The following IQANK1 variants were observed in gnomAD, a reference collection of about 807,000 sequenced individuals.
The protein encoded by IQANK1 is IQ motif and ankyrin repeat domain-containing protein 1.
IQANK1 carries 30 observed loss-of-function variants against 22.6 expected under a neutral mutation model. The observed-to-expected ratio is 1.33, with a 90% CI of 0.99 to 1.80. IQANK1 has a LOEUF of 1.80. IQANK1 is among the 40% of genes most tolerant of loss of function. The pLI is 0.00. For missense variants in IQANK1, 275 were observed against 235.2 expected (o/e 1.17, Z -1.11); for synonymous variants, 122 against 99.6 (o/e 1.23, Z -1.34).
chr8:143,749,397 A>G lies in IQANK1; in HGVS notation c.175+9449A>G, dbSNP rs1286879415. The stretch of plus-strand genomic sequence containing the variant: ...TATATAAATATGTGAATATATAATT[A>G]TATATCATATCATATATAATATATA... On this transcript the variant is annotated intron_variant, in intron 3 of 13. Transcript: ENST00000527139. Among the ~76,000 whole-genome samples, 280 of 131,490 alleles carry G rather than the reference A, an allele frequency of 2.1e-3. 1 individual carries two copies. Among genetic ancestry groups the G allele is most frequent in the Non-Finnish European group, 3.8e-3 (248 of 65,442 alleles). The allele number at this position is 131,490 out of a possible 152,430, so 86.3% of individuals were successfully genotyped here. A position where few individuals can be genotyped will look rare whatever the true frequency, so the allele number is the denominator to read the frequency against.
intron 12 of IQANK1, 29 bp downstream of exon 12, chr8:143,790,093 T>C (rs1441963291): frequency 8.1e-7 from 1 of 1,232,016 alleles, no homozygotes; most frequent in Non-Finnish European, 1.0e-6. Context: ...ACGTGGGCGA[T>C]TTGGGGTTTG....
intron 7 of IQANK1, among the ~76,000 whole-genome samples, chr8:143,783,088 G>A (rs1326208882): frequency 1.3e-5 from 2 of 152,116 alleles, no homozygotes; most frequent in East Asian, 1.9e-4. Context: ...GCTGATGAAC[G>A]TTCAGTTTGT....
At chr8:143,751,654 G>GTATATATATA (rs1394995181) in intron 3 of IQANK1, among the ~76,000 whole-genome samples, 2 of 37,032 alleles carry the variant, frequency 5.4e-5, no homozygotes, top group Non-Finnish European at 1.9e-4. Context: ...GTGTGTGTGT[G>GTATATATATA]TGTGTGTGTG....
intron 3 of IQANK1, among the ~76,000 whole-genome samples, chr8:143,761,171 G>A (rs1359878529): frequency 1.3e-5 from 2 of 152,312 alleles, no homozygotes; most frequent in South Asian, 4.1e-4. Context: ...CCGCGCGCCC[G>A]AGAAGGGACC....
chr8:143,736,068 T>C (rs1404235259), intron 2 of IQANK1, 130 bp downstream of exon 2: 1 of 633,734 alleles, frequency 1.6e-6, no homozygotes, highest in African/African-American at 1.8e-5. Context: ...AGGGGACCTC[T>C]GAGTTGGGAT....
intron 7 of IQANK1, among the ~76,000 whole-genome samples, chr8:143,775,826 T>C (rs1488095885): frequency 2.9e-5 from 3 of 102,690 alleles, no homozygotes; most frequent in African/African-American, 1.7e-4. Context: ...ACACACACCA[T>C]TCCTAAACTA....
intron 7 of IQANK1, among the ~76,000 whole-genome samples, chr8:143,786,812 T>G (rs62526410): frequency 0.065 from 9,957 of 152,062 alleles, 780 homozygotes; most frequent in African/African-American, 0.19. Context: ...GGGGAGGGAA[T>G]GAGGGCTGTG....
At chr8:143,784,634 A>G (rs1239975517) in intron 7 of IQANK1, among the ~76,000 whole-genome samples, 1 of 152,204 alleles carries the variant, frequency 6.6e-6, no homozygotes, top group Admixed American at 6.5e-5. Context: ...GAGGGTTAAC[A>G]GGGGGCTTCT....
chr8:143,752,355 C>A (rs960955329), intron 3 of IQANK1, among the ~76,000 whole-genome samples: 1 of 152,132 alleles, frequency 6.6e-6, no homozygotes, highest in East Asian at 1.9e-4. Flanking sequence ...ATTGAGGATC[C>A]CTTGTATGTG....
chr8:143,742,298 G>GC (rs1330545450), intron 3 of IQANK1: 9 of 441,438 alleles, frequency 2.0e-5, no homozygotes, highest in Non-Finnish European at 3.7e-5. Context: ...GTGATGAGGT[G>GC]CCCCCCGGGG....
rs372909094 is a variant in IQANK1 at position 143,773,856 on chromosome 8, G to C, written c.789+1374G>C. Among the ~76,000 whole-genome samples, 20 of 152,348 alleles carry C rather than the reference G, an allele frequency of 1.3e-4. No homozygotes were observed. In the East Asian group the frequency reaches 2.5e-3, roughly 19 times the overall value. On this transcript the variant is annotated intron_variant, in intron 7 of 13. Coordinates refer to ENST00000527139, the MANE Select transcript of IQANK1 (RefSeq NM_001381874.1). ...CGTCCAGAGGTGCAAGTGGGAGTCA[G>C]GGGTGCTGGGGTGTCCAGCAGACCT... is the stretch of plus-strand genomic sequence containing the variant.
rs1306405920 is a variant in IQANK1, at chr8:143,736,305, G to GATTTTTGT, written c.85+376_85+383dup. 2.0e-5 allele frequency among the ~76,000 whole-genome samples: 3 copies of GATTTTTGT among 152,028 alleles called. No homozygotes were observed. The East Asian group carries it at 5.8e-4, about 29-fold the overall frequency. On this transcript the variant is annotated intron_variant, in intron 2 of 13. Coordinates refer to ENST00000527139, the MANE Select transcript of IQANK1 (RefSeq NM_001381874.1). The stretch of plus-strand genomic sequence containing the variant: ...TGGACGTGCGCCACCACGCCCTGCT[G>GATTTTTGT]ATTTTTGTATTTTTGTTTTAGTAGA...
rs1819897053 is a variant in IQANK1, at chr8:143,786,764, G to T, written c.790-2151G>T. On this transcript the variant is annotated intron_variant, in intron 7 of 13. Transcript: ENST00000527139. ...ATTTTAAGAAAGGTGGCCAAGGTGG[G>T]GTTTGCTGAGAAGGTGGCATACAAG... Among the ~76,000 whole-genome samples the T allele has an allele frequency of 2.0e-5, 3 of 152,194 alleles. No homozygotes were observed. In the South Asian group the frequency reaches 6.2e-4, roughly 32 times the overall value.
chr8:143,781,875 G>A (rs2129939719), intron 7 of IQANK1, among the ~76,000 whole-genome samples: 1 of 152,282 alleles, frequency 6.6e-6, no homozygotes, highest in Non-Finnish European at 1.5e-5. Context: ...TAGTTTGATA[G>A]GAATAGCGTC....
chr8:143,786,570 C>T (rs1430675138), intron 7 of IQANK1, among the ~76,000 whole-genome samples: 1 of 152,204 alleles, frequency 6.6e-6, no homozygotes, highest in Non-Finnish European at 1.5e-5. Flanking sequence ...TACGAATTAG[C>T]TCATCCGTTC....
rs573165733 is a variant in IQANK1 at position 143,789,012 on chromosome 8, G to A, written c.887G>A (p.Arg296Gln). ...LQNMEAEQQR[R>Q]AQEAQRHKEA... is the part of the protein sequence containing the mutation. Reference sequence around the variant, plus strand: ...AACATGGAGGCTGAGCAGCAGCGCCGGGCCCAGGAGGCCCAGAGGCACAAG... The same window carrying A: ...AACATGGAGGCTGAGCAGCAGCGCCAGGCCCAGGAGGCCCAGAGGCACAAG... The change falls in exon 8 of 14, where the codon CGG becomes CAG. Residue 296 changes from arginine (R) to glutamine (Q), a missense_variant. Coordinates refer to ENST00000527139, the MANE Select transcript of IQANK1 (RefSeq NM_001381874.1). 12 of 400,078 alleles carry A rather than the reference G, an allele frequency of 3.0e-5. No individual in the cohort carries two copies. Among genetic ancestry groups the A allele is most frequent in the Middle Eastern group, 6.3e-4 (1 of 1,596 alleles). 24.8% of individuals were successfully genotyped at this position (400,078 alleles called of 1,614,324 possible).
chr8:143,784,123 C>T (rs982287999), intron 7 of IQANK1, among the ~76,000 whole-genome samples: 1 of 152,122 alleles, frequency 6.6e-6, no homozygotes, highest in African/African-American at 2.4e-5. Flanking sequence ...TCACCATAGC[C>T]TCTACATTTC....
At chr8:143,778,387 A>C (rs1388306627) in intron 7 of IQANK1, among the ~76,000 whole-genome samples, 1 of 152,366 alleles carries the variant, frequency 6.6e-6, no homozygotes, top group East Asian at 1.9e-4. Flanking sequence ...GATTTCAGAA[A>C]AAAGTATGTT....
intron 3 of IQANK1, among the ~76,000 whole-genome samples, chr8:143,751,286 A>G (rs1819183571): frequency 6.6e-6 from 1 of 152,068 alleles, no homozygotes; most frequent in South Asian, 2.1e-4. Flanking sequence ...AATTATAGTA[A>G]TAGTAGCTTT....
Sources: allele counts gnomAD v4.1 joint callset (sites outside exome capture counted in the v4.1 genomes callset), GRCh38; gene constraint gnomAD v4.1.1; transcripts MANE v1.5; gene names NCBI Gene and HGNC (gene_info 2026-07-23, HGNC 2026-07-21).